Variants in MYBL1 observed in about 807,000 individuals in gnomAD.
MYBL1 encodes the protein MYB proto-oncogene like 1.
In MYBL1, 17 loss-of-function variants were observed where a neutral mutation model predicts 96.3. The ratio of observed to expected loss-of-function variants is 0.18; its 90% CI spans 0.12 to 0.26. The LOEUF is 0.26. Ranked by LOEUF, MYBL1 falls within the 10% of genes least tolerant of loss-of-function variation. The probability of loss-of-function intolerance (pLI) is 1.00; values close to 1 mark genes in which losing one functional copy is unlikely to be tolerated. For missense variants in MYBL1, 701 were observed against 882.9 expected (o/e 0.79, Z 2.61); for synonymous variants, 282 against 292.7 (o/e 0.96, Z 0.37).
At chr8:66,572,731 T>C (rs1808784001) in intron 11 of MYBL1, 135 bp from the exon 12 acceptor site, 2 of 410,156 alleles carry the variant, frequency 4.9e-6, no homozygotes, top group African/African-American at 4.1e-5. Flanking sequence ...TCTAAGACTA[T>C]TTTAAAGTAT....
rs893741676 is a variant in MYBL1 at position 66,580,025 on chromosome 8, G to C, written c.1101+108C>G. ...CTGCAAAATATCAGAACAAAATTAA[G>C]CATGGCATACAAAACATAAAACTGG... On this transcript the variant is annotated intron_variant, in intron 9 of 15. Transcript: ENST00000522677. The C allele has an allele frequency of 1.1e-4, 89 of 784,494 alleles. No homozygotes were observed. The African/African-American group carries it at 1.5e-3, about 13-fold the overall frequency. 48.6% of individuals were successfully genotyped at this position (784,494 alleles called of 1,614,324 possible).
chr8:66,567,341 T>C (rs953943667), intron 12 of MYBL1, among the ~76,000 whole-genome samples: 8 of 152,126 alleles, frequency 5.3e-5, no homozygotes, highest in Admixed American at 6.5e-5. Context: ...ATAGAACATA[T>C]TGGGAATACA....
At position 66,562,563 on chromosome 8, in the gene MYBL1, T is replaced by C. The variant is rs1808372349; in HGVS notation, c.*2134A>G. On this transcript the variant is annotated 3_prime_UTR_variant, in exon 16 of 16. Transcript: ENST00000522677. ...AATAAGCCCAGACTTATCCACAATATATTACCATTTAGGATAATTTAATGC... is the reference window on the plus strand; with the variant it reads ...AATAAGCCCAGACTTATCCACAATACATTACCATTTAGGATAATTTAATGC... The C allele has an allele frequency of 6.6e-6, 1 of 152,658 alleles. No individual in the cohort carries two copies. The highest frequency in any genetic ancestry group is 6.5e-5 in the Admixed American group (1 of 15,274). The allele number at this position is 152,658 out of a possible 1,614,324, so 9.5% of individuals were successfully genotyped here.
chr8:66,601,908 C>A, intron 2 of MYBL1, 139 bp from the exon 3 acceptor site: 1 of 445,268 alleles, frequency 2.2e-6, no homozygotes, highest in East Asian at 3.4e-5. Flanking sequence ...AATACAAATT[C>A]TTCCATTTAT....
intron 8 of MYBL1, among the ~76,000 whole-genome samples, chr8:66,585,559 G>A (rs950223915): frequency 6.6e-6 from 1 of 152,050 alleles, no homozygotes; most frequent in Non-Finnish European, 1.5e-5. Flanking sequence ...TGGCCAACAT[G>A]GTGAAACCTC....
chr8:66,578,659 G>A (rs977823160), intron 9 of MYBL1, among the ~76,000 whole-genome samples: 6 of 152,212 alleles, frequency 3.9e-5, no homozygotes, highest in Admixed American at 3.3e-4. Flanking sequence ...CAACTATTGC[G>A]GAAGTCAGTG....
At chr8:66,597,984 A>G (rs999297912) in intron 4 of MYBL1, among the ~76,000 whole-genome samples, 1 of 151,942 alleles carries the variant, frequency 6.6e-6, no homozygotes, top group Admixed American at 6.6e-5. Context: ...CAGATTACAT[A>G]TTCTTTTTTC....
intron 8 of MYBL1, among the ~76,000 whole-genome samples, chr8:66,582,183 C>T (rs1238899886): frequency 6.6e-6 from 1 of 152,014 alleles, no homozygotes; most frequent in Non-Finnish European, 1.5e-5. Context: ...TAAGTCTTCA[C>T]ATATCAGTAA....
At chr8:66,598,959 T>G (rs1809959357) in intron 4 of MYBL1, 91 bp downstream of exon 4, 1 of 739,222 alleles carries the variant, frequency 1.4e-6, no homozygotes, top group Non-Finnish European at 1.9e-6. Context: ...CAAAGTGACT[T>G]AAACATGTAC....
chr8:66,601,131 C>G (rs1344527958), intron 3 of MYBL1, among the ~76,000 whole-genome samples: 1 of 133,088 alleles, frequency 7.5e-6, no homozygotes, highest in African/African-American at 2.9e-5. Flanking sequence ...GAGCCGAGAT[C>G]GTGCCATTGC....
At chr8:66,595,895 GT>G (rs1809832405) in intron 5 of MYBL1, 138 bp from the exon 6 acceptor site, 1 of 572,782 alleles carries the variant, frequency 1.7e-6, no homozygotes, top group Non-Finnish European at 2.9e-6. Context: ...TTCTTTTGGA[GT>G]TTCTACTCAG....
chr8:66,584,373 A>G (rs1473622488), intron 8 of MYBL1, among the ~76,000 whole-genome samples: 1 of 152,204 alleles, frequency 6.6e-6, no homozygotes, highest in Non-Finnish European at 1.5e-5. Flanking sequence ...CCTAGCCAAA[A>G]CAATTAGGCA....
At position 66,597,310 on chromosome 8, in the gene MYBL1, A is replaced by G; in HGVS notation, c.512+20T>C. 3 of 1,491,790 alleles carry G rather than the reference A, an allele frequency of 2.0e-6. No individual in the cohort carries two copies. Among genetic ancestry groups the G allele is most frequent in the Non-Finnish European group, 2.7e-6 (3 of 1,106,578 alleles). 92.4% of individuals were successfully genotyped at this position (1,491,790 alleles called of 1,614,324 possible). ...GTCATGTTTAAGTACAGAAAAATAT[A>G]TATACATTTATATAAGCACCTTCCT... On this transcript the variant is annotated intron_variant, in intron 5 of 15. Coordinates refer to ENST00000522677, the MANE Select transcript of MYBL1 (RefSeq NM_001080416.4).
intron 6 of MYBL1, 61 bp downstream of exon 6, chr8:66,595,522 A>G: frequency 9.2e-7 from 1 of 1,085,288 alleles, no homozygotes. Flanking sequence ...GAAACCAAAC[A>G]TCTTCCCATA....
chr8:66,591,164 C>T (rs994843857), intron 8 of MYBL1, among the ~76,000 whole-genome samples: 2 of 151,926 alleles, frequency 1.3e-5, no homozygotes, highest in South Asian at 2.1e-4. Context: ...CTGGCTAACA[C>T]GGTGAAACCT....
At chr8:66,588,326 C>A (rs995434186) in intron 8 of MYBL1, among the ~76,000 whole-genome samples, 12 of 146,000 alleles carry the variant, frequency 8.2e-5, no homozygotes, top group Non-Finnish European at 1.5e-4. Context: ...GTCGTCCAGG[C>A]TGGAATGCAC....
rs923746275 is a variant in MYBL1 at position 66,563,530 on chromosome 8, T to G, written c.*1167A>C. The G allele has an allele frequency of 1.3e-5, 2 of 152,508 alleles. No homozygotes were observed. The highest frequency in any genetic ancestry group is 2.9e-5 in the Non-Finnish European group (2 of 67,966). The allele number at this position is 152,508 out of a possible 1,614,324, so 9.4% of individuals were successfully genotyped here. A position where few individuals can be genotyped will look rare whatever the true frequency, so the allele number is the denominator to read the frequency against. On this transcript the variant is annotated 3_prime_UTR_variant, in exon 16 of 16. Transcript: ENST00000522677. ...TTTAAAAAAGGACAAAATATTTTTA[T>G]AAATAAAAGATAATGTTCTCCACTT...
At chr8:66,595,548 ATTTTT>A in intron 6 of MYBL1, 30 bp downstream of exon 6, 1 of 1,327,094 alleles carries the variant, frequency 7.5e-7, no homozygotes, top group East Asian at 2.9e-5. Flanking sequence ...ACTTAAGAAA[ATTTTT>A]TAAATAATAA....
Position 66,576,161 on chromosome 8 carries a change from T to C in MYBL1, c.1316A>G (p.Lys439Arg), listed in dbSNP as rs1808934404. The C allele has an allele frequency of 1.2e-6, 2 of 1,613,996 alleles. No homozygotes were observed. Among genetic ancestry groups the C allele is most frequent in the Admixed American group, 1.7e-5 (1 of 60,024 alleles). Residue 439 changes from lysine to arginine, a missense_variant, in exon 10 of 16, where the codon AAG becomes AGG. By Grantham distance (26) the Lys-to-Arg change is conservative (BLOSUM62 2). This residue lies in a region of MYBL1 where 396 missense variants were observed against 407.4 expected (regional missense o/e 0.97). Coordinates refer to ENST00000522677, the MANE Select transcript of MYBL1 (RefSeq NM_001080416.4). The stretch of plus-strand genomic sequence containing the variant: ...GAGGATGGCTGGTGGAGTGCTAAAC[T>C]TGGCTATATTTGGGGATGTTAAAGG... ...AVPLTSPNIAKFSTPPAILRK... is the reference protein window; with the variant it reads ...AVPLTSPNIARFSTPPAILRK...
Sources: gnomAD v4.1 joint callset for allele counts (sites outside exome capture counted in the v4.1 genomes callset) on GRCh38, gnomAD v4.1.1 for gene constraint, gnomAD v4.1.1 regional missense constraint, MANE v1.5 for transcripts, NCBI Gene and HGNC (gene_info 2026-07-23, HGNC 2026-07-21) for gene names.